SOX5: variants seen among roughly 807,000 people sequenced by gnomAD.
The protein encoded by SOX5 is transcription factor SOX-5.
In SOX5, 9 loss-of-function variants were observed where a neutral mutation model predicts 92.0. The observed-to-expected ratio is 0.10, with a 90% CI of 0.06 to 0.17. SOX5 has a LOEUF of 0.17. Ranked by LOEUF, SOX5 falls within the 10% of genes least tolerant of loss-of-function variation. SOX5 has a pLI of 1.00. For missense variants in SOX5, 642 were observed against 944.5 expected (o/e 0.68, Z 4.20); for synonymous variants, 344 against 336.3 (o/e 1.02, Z -0.25).
intron 4 of SOX5, among the ~76,000 whole-genome samples, chr12:23,977,029 T>G (rs987392086): frequency 6.6e-6 from 1 of 152,180 alleles, no homozygotes; most frequent in Non-Finnish European, 1.5e-5. Flanking sequence ...ATGACTGAAC[T>G]CTGTATTTAA....
At chr12:23,938,596 T>C (rs1943055829) in intron 1 of SOX5, among the ~76,000 whole-genome samples, 1 of 151,078 alleles carries the variant, frequency 6.6e-6, no homozygotes, top group Non-Finnish European at 1.5e-5. Flanking sequence ...AATTTGTGCA[T>C]CTTAAAGCAT....
chr12:23,852,439 T>C (rs993775664), intron 2 of SOX5, among the ~76,000 whole-genome samples: 1 of 152,164 alleles, frequency 6.6e-6, no homozygotes, highest in Non-Finnish European at 1.5e-5. Context: ...AAACATTTCT[T>C]ATGTATTTTG....
chr12:23,638,670 G>C (rs966887501), intron 8 of SOX5, among the ~76,000 whole-genome samples: 1 of 152,134 alleles, frequency 6.6e-6, no homozygotes, highest in Non-Finnish European at 1.5e-5. Flanking sequence ...TTAAGGCAAA[G>C]GGAGGGAGAG....
At chr12:24,291,939 T>C (rs1382061990) in intron 2 of SOX5, among the ~76,000 whole-genome samples, 1 of 152,216 alleles carries the variant, frequency 6.6e-6, no homozygotes, top group Non-Finnish European at 1.5e-5. Context: ...GCTGCATTTA[T>C]GGATGGGTGG....
chr12:24,171,228 TG>T (rs67625009), intron 4 of SOX5, among the ~76,000 whole-genome samples: 33,325 of 107,328 alleles, frequency 0.31, 8,840 homozygotes, highest in East Asian at 0.88. Context: ...TTTGTTTGTT[TG>T]TTTTTTTTTT....
intron 1 of SOX5, among the ~76,000 whole-genome samples, chr12:24,509,833 A>G (rs558949376): frequency 2.6e-5 from 4 of 152,368 alleles, no homozygotes; most frequent in African/African-American, 9.6e-5. Context: ...GGTCTCAGCC[A>G]CACAAAATAT....
At chr12:24,476,795 C>A (rs1160792694) in intron 1 of SOX5, among the ~76,000 whole-genome samples, 1 of 151,958 alleles carries the variant, frequency 6.6e-6, no homozygotes, top group Non-Finnish European at 1.5e-5. Flanking sequence ...AGGTTTACTG[C>A]AAAAATAAAT....
rs567898835 is a variant in SOX5 at position 24,501,247 on chromosome 12, C to A, written c.-251+61082G>T. Among the ~76,000 whole-genome samples the A allele has an allele frequency of 2.6e-5, 4 of 151,996 alleles. No individual in the cohort carries two copies. The South Asian group carries it at 8.4e-4, about 32-fold the overall frequency. On this transcript the variant is annotated intron_variant, in intron 1 of 4. Transcript: ENST00000446891. ...ACCTCATTAAGAGCAGTTTTAGCAC[C>A]AAGGTTGTGATCTTGTTGAGCTTGC...
intron 4 of SOX5, among the ~76,000 whole-genome samples, chr12:24,106,202 A>C (rs1946648236): frequency 6.6e-6 from 1 of 152,096 alleles, no homozygotes; most frequent in Admixed American, 6.5e-5. Context: ...AAAAAAAAAA[A>C]AAATTAGCCC....
intron 8 of SOX5, 75 bp from the exon 9 acceptor site, chr12:23,604,608 T>C: frequency 7.2e-7 from 1 of 1,382,932 alleles, no homozygotes; most frequent in Non-Finnish European, 1.0e-6. Flanking sequence ...AGAAAGTACA[T>C]ATATTCAGAT....
intron 3 of SOX5, among the ~76,000 whole-genome samples, chr12:24,272,657 A>AT (rs1025474658): frequency 6.6e-6 from 1 of 152,092 alleles, no homozygotes; most frequent in Non-Finnish European, 1.5e-5. Context: ...TAAATTGTTT[A>AT]TTTTTTTACA....
chr12:23,558,100 T>A (rs961446686), intron 11 of SOX5, among the ~76,000 whole-genome samples: 2 of 152,162 alleles, frequency 1.3e-5, no homozygotes, highest in South Asian at 4.1e-4. Context: ...AGCTTTGATG[T>A]CATTTTTGTA....
intron 1 of SOX5, among the ~76,000 whole-genome samples, chr12:24,413,046 C>T (rs901844432): frequency 6.6e-6 from 1 of 152,182 alleles, no homozygotes; most frequent in Non-Finnish European, 1.5e-5. Context: ...TGAGCCATCG[C>T]GCCCGGCCTC....
chr12:23,978,446 A>G (rs866725805), intron 4 of SOX5, among the ~76,000 whole-genome samples: 5 of 152,358 alleles, frequency 3.3e-5, no homozygotes, highest in South Asian at 4.1e-4. Flanking sequence ...ACAGAACTAA[A>G]ACATGAGACC....
intron 3 of SOX5, among the ~76,000 whole-genome samples, chr12:24,263,732 A>G (rs1256434203): frequency 6.6e-6 from 1 of 152,198 alleles, no homozygotes; most frequent in Non-Finnish European, 1.5e-5. Flanking sequence ...TACTCAGTAT[A>G]TATGTAACTA....
At chr12:24,110,325 A>G (rs989005513) in intron 4 of SOX5, among the ~76,000 whole-genome samples, 1 of 152,242 alleles carries the variant, frequency 6.6e-6, no homozygotes, top group African/African-American at 2.4e-5. Flanking sequence ...AACAACAACA[A>G]CGCAGTCATC....
chr12:23,721,071 T>C (rs1186605666), intron 6 of SOX5, among the ~76,000 whole-genome samples: 1 of 151,310 alleles, frequency 6.6e-6, no homozygotes, highest in African/African-American at 2.4e-5. Flanking sequence ...CTATATTAAT[T>C]ATTTTATTTA....
chr12:24,003,769 G>GTTC (rs1555469513), intron 4 of SOX5, among the ~76,000 whole-genome samples: 1 of 147,952 alleles, frequency 6.8e-6, no homozygotes, highest in East Asian at 2.0e-4. Context: ...ATGCCAGCAG[G>GTTC]TTTTTTTTTT....
At position 23,932,189 on chromosome 12, in the gene SOX5, T is replaced by G. The variant is rs369324409; in HGVS notation, c.38+17375A>C. 8.6e-5 allele frequency among the ~76,000 whole-genome samples: 13 copies of G among 151,746 alleles called. No homozygotes were observed. In the East Asian group the frequency reaches 1.4e-3, roughly 16 times the overall value. The stretch of plus-strand genomic sequence containing the variant: ...GGTCCAATACCTGTCTTAAGAGCCC[T>G]GTATCTAACCTGAATCTAACCATGA... On this transcript the variant is annotated intron_variant, in intron 1 of 14. Coordinates refer to ENST00000451604, the MANE Select transcript of SOX5 (RefSeq NM_006940.6).
Sources: gnomAD v4.1 joint callset for allele counts (sites outside exome capture counted in the v4.1 genomes callset) on GRCh38, gnomAD v4.1.1 for gene constraint, MANE v1.5 for transcripts, NCBI Gene and HGNC (gene_info 2026-07-23, HGNC 2026-07-21) for gene names.